The following RBFOX1 variants were observed in gnomAD, a reference collection of about 807,000 sequenced individuals.
RBFOX1 encodes RNA binding fox-1 homolog 1.
Under a neutral mutation model 57.7 loss-of-function variants are expected in RBFOX1, and 8 were observed. That is an observed-to-expected ratio of 0.14 (90% CI 0.08 to 0.25). The LOEUF (loss-of-function observed/expected upper bound fraction) is 0.25, where lower values mean the gene tolerates loss of function less well. Among genes scored for constraint, RBFOX1 ranks in the 10% least tolerant of loss-of-function variants. RBFOX1 has a pLI of 1.00. For missense variants in RBFOX1, 611 were observed against 548.5 expected, an observed-to-expected ratio of 1.11 and a Z score of -1.14; for synonymous variants, 326 against 222.4, an observed-to-expected ratio of 1.47 and a Z score of -4.15.
intron 3 of RBFOX1, among the ~76,000 whole-genome samples, chr16:6,898,839 G>T (rs2067653129): frequency 6.6e-6 from 1 of 151,200 alleles, no homozygotes; most frequent in African/African-American, 2.4e-5. Context: ...GTGTATGTGT[G>T]TGCATGTGTA....
chr16:7,395,521 C>T (rs1452118816), intron 4 of RBFOX1, among the ~76,000 whole-genome samples: 1 of 152,186 alleles, frequency 6.6e-6, no homozygotes, highest in Non-Finnish European at 1.5e-5. Context: ...AATACTAAAT[C>T]TCTTGAGTTA....
At chr16:6,590,104 G>A (rs779651098) in intron 2 of RBFOX1, among the ~76,000 whole-genome samples, 1 of 152,200 alleles carries the variant, frequency 6.6e-6, no homozygotes, top group East Asian at 1.9e-4. Flanking sequence ...GAATGATAGC[G>A]TTTTGTAAGC....
At chr16:6,416,985 T>C (rs781435233) in intron 2 of RBFOX1, among the ~76,000 whole-genome samples, 28 of 152,092 alleles carry the variant, frequency 1.8e-4, no homozygotes, top group Non-Finnish European at 3.4e-4. Context: ...ATTCCTTACC[T>C]TAAATTTGTG....
At chr16:5,833,678 G>C (rs1036485046) in intron 3 of RBFOX1, among the ~76,000 whole-genome samples, 1 of 152,058 alleles carries the variant, frequency 6.6e-6, no homozygotes, top group Non-Finnish European at 1.5e-5. Context: ...ATCAAGAATG[G>C]ACGTGTGCAT....
chr16:5,497,460 G>A (rs1035702289), intron 2 of RBFOX1, among the ~76,000 whole-genome samples: 10 of 151,952 alleles, frequency 6.6e-5, no homozygotes, highest in Non-Finnish European at 1.3e-4. Context: ...CAAGAAAGAA[G>A]CACTTTTAGC....
At chr16:7,616,768 G>C (rs2058514768) in intron 10 of RBFOX1, among the ~76,000 whole-genome samples, 1 of 152,072 alleles carries the variant, frequency 6.6e-6, no homozygotes, top group Admixed American at 6.5e-5. Flanking sequence ...CTGACCTCAA[G>C]CAACCCTCCC....
chr16:5,283,500 C>T (rs2063321673), intron 1 of RBFOX1, among the ~76,000 whole-genome samples: 1 of 152,158 alleles, frequency 6.6e-6, no homozygotes, highest in Non-Finnish European at 1.5e-5. Flanking sequence ...GGGTGTTATA[C>T]CCTACAAAGC....
At chr16:7,558,285 T>C (rs1229711587) in intron 5 of RBFOX1, among the ~76,000 whole-genome samples, 2 of 151,688 alleles carry the variant, frequency 1.3e-5, no homozygotes, top group African/African-American at 4.8e-5. Context: ...GCCTGGGAGG[T>C]CGCGGCTGCA....
chr16:5,252,771 C>G (rs1033158077), intron 1 of RBFOX1, among the ~76,000 whole-genome samples: 6 of 152,226 alleles, frequency 3.9e-5, no homozygotes, highest in African/African-American at 1.4e-4. Context: ...CAGATGGCTG[C>G]AAAGCTTTCC....
chr16:6,987,421 A>G (rs1015431629), intron 3 of RBFOX1, among the ~76,000 whole-genome samples: 4 of 149,860 alleles, frequency 2.7e-5, no homozygotes, highest in Admixed American at 2.7e-4. Context: ...CCGAGCCACT[A>G]GGCTTATCTC....
At chr16:7,069,051 T>C (rs2056771949) in intron 4 of RBFOX1, among the ~76,000 whole-genome samples, 2 of 152,222 alleles carry the variant, frequency 1.3e-5, no homozygotes, top group Admixed American at 1.3e-4. Context: ...GAATGGATGT[T>C]TCTAAAGACT....
rs8056147 is a variant in RBFOX1 at position 6,669,878 on chromosome 16, G to A, written c.-16+15228G>A. 9.8e-3 allele frequency among the ~76,000 whole-genome samples: 1,487 copies of A among 152,182 alleles called. 25 individuals are homozygous for A. Among genetic ancestry groups the A allele is most frequent in the African/African-American group, 0.034 (1,416 of 41,494 alleles). ...ATCTGATGGAGCCAGGGAGGTAGAC[G>A]GCACTTATCATCCTAAGTAACCGAC... is the stretch of plus-strand genomic sequence containing the variant. On this transcript the variant is annotated intron_variant, in intron 3 of 15. Coordinates refer to ENST00000550418, the MANE Select transcript of RBFOX1 (RefSeq NM_018723.4).
At chr16:5,807,652 C>T (rs900389820) in intron 3 of RBFOX1, among the ~76,000 whole-genome samples, 2 of 152,296 alleles carry the variant, frequency 1.3e-5, no homozygotes, top group African/African-American at 2.4e-5. Flanking sequence ...GGGATCAATT[C>T]TGGATTCTGG....
chr16:6,105,458 G>A (rs1479188693), intron 1 of RBFOX1, among the ~76,000 whole-genome samples: 2 of 151,992 alleles, frequency 1.3e-5, no homozygotes, highest in African/African-American at 4.8e-5. Flanking sequence ...TGAAGATAAT[G>A]CCATCTTAGC....
intron 3 of RBFOX1, among the ~76,000 whole-genome samples, chr16:6,843,187 G>T (rs1420711235): frequency 1.3e-5 from 2 of 152,088 alleles, no homozygotes; most frequent in Admixed American, 1.3e-4. Flanking sequence ...CTATTAGAGT[G>T]GATGTCTCTT....
intron 4 of RBFOX1, among the ~76,000 whole-genome samples, chr16:7,360,147 G>C (rs1445817613): frequency 6.6e-6 from 1 of 152,266 alleles, no homozygotes; most frequent in African/African-American, 2.4e-5. Context: ...TTTATCTCAT[G>C]TATATACTAT....
chr16:5,702,955 G>T (rs908566775), intron 3 of RBFOX1, among the ~76,000 whole-genome samples: 1 of 152,162 alleles, frequency 6.6e-6, no homozygotes, highest in African/African-American at 2.4e-5. Flanking sequence ...GCCTCTGCAT[G>T]TTACTATGTG....
At chr16:7,656,733 A>G (rs1418531638) in intron 12 of RBFOX1, among the ~76,000 whole-genome samples, 1 of 152,130 alleles carries the variant, frequency 6.6e-6, no homozygotes, top group Non-Finnish European at 1.5e-5. Context: ...TGGCACCTTG[A>G]GAGGTATTTC....
chr16:5,539,211 C>G (rs999094106), intron 2 of RBFOX1, among the ~76,000 whole-genome samples: 1 of 152,106 alleles, frequency 6.6e-6, no homozygotes, highest in Non-Finnish European at 1.5e-5. Flanking sequence ...TCCCAGGGAG[C>G]TACAAAGTGC....
Sources: gnomAD v4.1 joint callset for allele counts (sites outside exome capture counted in the v4.1 genomes callset) on GRCh38, gnomAD v4.1.1 for gene constraint, MANE v1.5 for transcripts, NCBI Gene and HGNC (gene_info 2026-07-23, HGNC 2026-07-21) for gene names.